SCFD2: variants seen among roughly 807,000 people sequenced by gnomAD.
SCFD2 encodes sec1 family domain-containing protein 2.
Under a neutral mutation model 58.9 loss-of-function variants are expected in SCFD2, and 54 were observed. The ratio of observed to expected loss-of-function variants is 0.92; its 90% CI spans 0.74 to 1.15. SCFD2 has a LOEUF of 1.15. SCFD2 is among the 50% of genes most tolerant of loss of function. The probability of loss-of-function intolerance (pLI) is 0.00; values close to 1 mark genes in which losing one functional copy is unlikely to be tolerated. For synonymous variants in SCFD2, 321 were observed against 335.9 expected, an observed-to-expected ratio of 0.96 and a Z score of 0.49; for missense variants, 805 against 836.6, an observed-to-expected ratio of 0.96 and a Z score of 0.47.
At chr4:52,986,531 C>G (rs1721499063) in intron 5 of SCFD2, among the ~76,000 whole-genome samples, 1 of 125,056 alleles carries the variant, frequency 8.0e-6, no homozygotes, top group Non-Finnish European at 1.6e-5. Context: ...CGGAGTCTCA[C>G]TCTGTTACCC....
intron 2 of SCFD2, among the ~76,000 whole-genome samples, chr4:53,329,932 G>C (rs1281766932): frequency 6.6e-6 from 1 of 151,852 alleles, no homozygotes; most frequent in African/African-American, 2.4e-5. Flanking sequence ...CAAGGCTCGA[G>C]AACTACATGA....
chr4:53,173,009 A>G (rs1461884945), intron 4 of SCFD2, among the ~76,000 whole-genome samples: 3 of 152,160 alleles, frequency 2.0e-5, no homozygotes, highest in Admixed American at 1.3e-4. Flanking sequence ...TTTAATATTT[A>G]CTTTATATTT....
intron 5 of SCFD2, among the ~76,000 whole-genome samples, chr4:53,054,551 T>G (rs1201321899): frequency 2.6e-5 from 4 of 152,072 alleles, no homozygotes; most frequent in Non-Finnish European, 5.9e-5. Flanking sequence ...AACTAATGTT[T>G]CATTTAAAGA....
intron 4 of SCFD2, among the ~76,000 whole-genome samples, chr4:53,202,073 T>C (rs1307293528): frequency 4.6e-5 from 7 of 152,148 alleles, no homozygotes; most frequent in Admixed American, 4.6e-4. Flanking sequence ...CCATTGCTTT[T>C]GGTGTTTTAG....
At chr4:52,988,445 C>G (rs1721546874) in intron 5 of SCFD2, among the ~76,000 whole-genome samples, 1 of 152,186 alleles carries the variant, frequency 6.6e-6, no homozygotes, top group Admixed American at 6.5e-5. Flanking sequence ...CCTGGTTACA[C>G]AGCTTAGAGG....
intron 4 of SCFD2, among the ~76,000 whole-genome samples, chr4:53,201,455 T>C (rs1728236719): frequency 1.3e-5 from 2 of 152,204 alleles, no homozygotes; most frequent in Non-Finnish European, 2.9e-5. Flanking sequence ...TTCAAGTCTT[T>C]GCTATTGTGA....
chr4:53,204,159 C>T (rs181312444), intron 4 of SCFD2, among the ~76,000 whole-genome samples: 2 of 152,148 alleles, frequency 1.3e-5, no homozygotes, highest in Admixed American at 1.3e-4. Context: ...CACAAACCCC[C>T]CATAAACTTA....
At chr4:53,049,004 C>G (rs1189226649) in intron 5 of SCFD2, among the ~76,000 whole-genome samples, 3 of 152,072 alleles carry the variant, frequency 2.0e-5, no homozygotes, top group African/African-American at 7.2e-5. Flanking sequence ...TCTTAGGAAT[C>G]TTTTTCAGCT....
chr4:53,182,543 A>G (rs1727604354), intron 4 of SCFD2, among the ~76,000 whole-genome samples: 1 of 152,228 alleles, frequency 6.6e-6, no homozygotes, highest in African/African-American at 2.4e-5. Context: ...CTAAAACCAT[A>G]AAAACCCTAG....
At chr4:53,162,416 G>T (rs972550417) in intron 4 of SCFD2, among the ~76,000 whole-genome samples, 4 of 152,150 alleles carry the variant, frequency 2.6e-5, no homozygotes, top group African/African-American at 9.7e-5. Context: ...TAAGGATGAA[G>T]AAAATGGCCA....
rs185406593 is a variant in SCFD2, at chr4:53,130,928, C to T, written c.1561+14405G>A. Among the ~76,000 whole-genome samples the T allele has an allele frequency of 3.5e-3, 540 of 152,266 alleles. 5 individuals carry two copies. The highest frequency in any genetic ancestry group is 0.012 in the African/African-American group (510 of 41,540). ...CACTGATCATGCTGTTGGGCGCCTG[C>T]CCCAACTCTCCTAAATATAGCTCTA... is the stretch of plus-strand genomic sequence containing the variant. On this transcript the variant is annotated intron_variant, in intron 5 of 8. Transcript: ENST00000401642.
intron 2 of SCFD2, among the ~76,000 whole-genome samples, chr4:53,330,808 A>T (rs1347075102): frequency 6.6e-6 from 1 of 152,166 alleles, no homozygotes; most frequent in Admixed American, 6.5e-5. Flanking sequence ...GGCAAATTGG[A>T]TAAAGAGTCA....
intron 4 of SCFD2, among the ~76,000 whole-genome samples, chr4:53,207,576 AT>A (rs1728467060): frequency 2.0e-5 from 1 of 50,562 alleles, no homozygotes; most frequent in African/African-American, 4.9e-5. Flanking sequence ...TATAATATTT[AT>A]ATATATATAA....
At chr4:53,246,991 A>C (rs1252547149) in intron 4 of SCFD2, among the ~76,000 whole-genome samples, 5 of 126,942 alleles carry the variant, frequency 3.9e-5, no homozygotes, top group Non-Finnish European at 7.0e-5. Context: ...AACTTAAAAA[A>C]TTTACAAAAA....
intron 3 of SCFD2, among the ~76,000 whole-genome samples, chr4:53,297,438 T>A (rs143640405): frequency 3.3e-5 from 5 of 152,096 alleles, no homozygotes; most frequent in African/African-American, 1.2e-4. Context: ...GGTCTCTTTG[T>A]GTCAGACTAG....
intron 2 of SCFD2, among the ~76,000 whole-genome samples, chr4:53,340,332 G>C (rs1405985088): frequency 2.0e-5 from 3 of 152,192 alleles, no homozygotes; most frequent in Admixed American, 2.0e-4. Context: ...CTGGCTTGGA[G>C]GGTCCCACGC....
chr4:52,941,371 G>C (rs1720288609), intron 5 of SCFD2, among the ~76,000 whole-genome samples: 1 of 152,220 alleles, frequency 6.6e-6, no homozygotes, highest in Admixed American at 6.5e-5. Flanking sequence ...GCATGGCAGA[G>C]AGGGTGATAG....
chr4:53,075,979 C>T (rs947072319), intron 5 of SCFD2, among the ~76,000 whole-genome samples: 1 of 152,082 alleles, frequency 6.6e-6, no homozygotes, highest in African/African-American at 2.4e-5. Flanking sequence ...ACAAAAAATG[C>T]AATATGTGCA....
chr4:52,907,559 C>T lies in SCFD2; in HGVS notation c.1740G>A (p.Val580=). Reference sequence around the variant, plus strand: ...GCCTCTCGGGATGAAATATTTCCTCCACAACTTGCTTCAACAATGGCTTAT... The same window carrying T: ...GCCTCTCGGGATGAAATATTTCCTCTACAACTTGCTTCAACAATGGCTTAT... ...ASYKPLLKQV[V]EEIFHPERPD... The change falls in exon 7 of 9, where the codon GTG becomes GTA. Residue 580 remains valine (V), a synonymous_variant. Coordinates refer to ENST00000401642, the MANE Select transcript of SCFD2 (RefSeq NM_152540.4). 1 of 1,614,030 alleles carries T rather than the reference C, an allele frequency of 6.2e-7. No homozygotes were observed. Among genetic ancestry groups the T allele is most frequent in the Non-Finnish European group, 8.5e-7 (1 of 1,179,974 alleles).
Sources: allele counts gnomAD v4.1 joint callset (sites outside exome capture counted in the v4.1 genomes callset), GRCh38; gene constraint gnomAD v4.1.1; transcripts MANE v1.5; gene names NCBI Gene and HGNC (gene_info 2026-07-23, HGNC 2026-07-21).